ZDHHC14: variants seen among roughly 807,000 people sequenced by gnomAD.
ZDHHC14 encodes palmitoyltransferase ZDHHC14.
Under a neutral mutation model 47.7 loss-of-function variants are expected in ZDHHC14, and 16 were observed. That is an observed-to-expected ratio of 0.34 (90% CI 0.23 to 0.51). The LOEUF is 0.51. Ranked by LOEUF, ZDHHC14 falls within the 20% of genes least tolerant of loss-of-function variation. The pLI, the probability that ZDHHC14 is intolerant of heterozygous loss-of-function variation, is 0.97. For missense variants in ZDHHC14, 515 were observed against 662.5 expected (o/e 0.78, Z 2.44); for synonymous variants, 293 against 278.9 (o/e 1.05, Z -0.50).
intron 2 of ZDHHC14, among the ~76,000 whole-genome samples, chr6:157,564,372 C>T (rs1364469817): frequency 6.6e-6 from 1 of 152,186 alleles, no homozygotes; most frequent in Non-Finnish European, 1.5e-5. Context: ...AGAACATATT[C>T]AGAGGCATCA....
chr6:157,398,262 C>T (rs1316086797), intron 1 of ZDHHC14, among the ~76,000 whole-genome samples: 1 of 152,150 alleles, frequency 6.6e-6, no homozygotes, highest in Non-Finnish European at 1.5e-5. Context: ...GCTGGATGGG[C>T]CCAAAAGTGC....
rs575216136 is a variant in ZDHHC14 at position 157,617,420 on chromosome 6, G to T, written c.566-10929G>T. Among the ~76,000 whole-genome samples, 304 of 152,136 alleles carry T rather than the reference G, an allele frequency of 2.0e-3. 2 individuals carry two copies. Among genetic ancestry groups the T allele is most frequent in the Middle Eastern group, 0.017 (5 of 294 alleles). On this transcript the variant is annotated intron_variant, in intron 3 of 8. Transcript: ENST00000359775. Reference sequence around the variant, plus strand: ...TTTTTTAAAAAATGGGTTCTGCTTGGACTCATCGCAGTTGGCTTCTCAAGG... The same window carrying T: ...TTTTTTAAAAAATGGGTTCTGCTTGTACTCATCGCAGTTGGCTTCTCAAGG...
chr6:157,671,503 C>T (rs1368058237), intron 8 of ZDHHC14, among the ~76,000 whole-genome samples: 3 of 152,222 alleles, frequency 2.0e-5, no homozygotes, highest in Non-Finnish European at 4.4e-5. Flanking sequence ...AGGTACCGCA[C>T]AGGCTCAAGT....
In ZDHHC14 at chr6:157,512,284, G is replaced by A. The variant is rs930824787; in HGVS notation, c.246-30301G>A. Among the ~76,000 whole-genome samples the A allele has an allele frequency of 3.9e-5, 6 of 152,330 alleles. No homozygotes were observed. The South Asian group carries it at 6.2e-4, about 16-fold the overall frequency. ...ATGGCCCTGGCTGGCCCTGGATGCCGCTGGGGGGCCCTCTGTAGGGCTGAC... is the reference window on the plus strand; with the variant it reads ...ATGGCCCTGGCTGGCCCTGGATGCCACTGGGGGGCCCTCTGTAGGGCTGAC... On this transcript the variant is annotated intron_variant, in intron 1 of 8. Coordinates refer to ENST00000359775, the MANE Select transcript of ZDHHC14 (RefSeq NM_024630.3).
At chr6:157,491,179 G>A (rs1405934645) in intron 1 of ZDHHC14, among the ~76,000 whole-genome samples, 1 of 152,220 alleles carries the variant, frequency 6.6e-6, no homozygotes, top group Non-Finnish European at 1.5e-5. Context: ...CGCATTTAGG[G>A]TATGCGGCCG....
chr6:157,513,887 C>T (rs1780586085), intron 1 of ZDHHC14, among the ~76,000 whole-genome samples: 1 of 152,106 alleles, frequency 6.6e-6, no homozygotes, highest in South Asian at 2.1e-4. Flanking sequence ...TCAGCTGTTT[C>T]CAGTCCCTCA....
intron 3 of ZDHHC14, among the ~76,000 whole-genome samples, chr6:157,622,428 T>C (rs889340034): frequency 3.3e-5 from 5 of 152,110 alleles, no homozygotes; most frequent in Non-Finnish European, 5.9e-5. Context: ...TTTTCATCAT[T>C]ATTTAGAGTT....
At chr6:157,578,456 C>T (rs907224885) in intron 2 of ZDHHC14, among the ~76,000 whole-genome samples, 1 of 152,132 alleles carries the variant, frequency 6.6e-6, no homozygotes, top group Non-Finnish European at 1.5e-5. Flanking sequence ...GAATCCTTTC[C>T]CCCATTGTTT....
At chr6:157,565,689 C>A (rs941795753) in intron 2 of ZDHHC14, among the ~76,000 whole-genome samples, 2 of 151,892 alleles carry the variant, frequency 1.3e-5, no homozygotes, top group African/African-American at 4.8e-5. Flanking sequence ...TGTGGTAATC[C>A]CAGCTACTAT....
intron 2 of ZDHHC14, among the ~76,000 whole-genome samples, chr6:157,550,732 T>C (rs1426585615): frequency 6.6e-6 from 1 of 152,232 alleles, no homozygotes; most frequent in East Asian, 1.9e-4. Flanking sequence ...ATCTCCTCTG[T>C]AGAATTGATG....
intron 1 of ZDHHC14, among the ~76,000 whole-genome samples, chr6:157,424,931 A>G (rs1778186879): frequency 6.7e-6 from 1 of 149,188 alleles, no homozygotes; most frequent in Non-Finnish European, 1.5e-5. Context: ...CAGCCCGCCC[A>G]CTCTCACTCT....
intron 1 of ZDHHC14, among the ~76,000 whole-genome samples, chr6:157,453,878 T>C (rs1195600190): frequency 6.6e-6 from 1 of 152,062 alleles, no homozygotes; most frequent in African/African-American, 2.4e-5. Context: ...GCCGATACCT[T>C]CTTTTTTATT....
intron 5 of ZDHHC14, among the ~76,000 whole-genome samples, chr6:157,634,501 G>C (rs1776868529): frequency 6.6e-6 from 1 of 152,190 alleles, no homozygotes; most frequent in African/African-American, 2.4e-5. Flanking sequence ...TGTTTTCAGA[G>C]AACATTGCTT....
intron 1 of ZDHHC14, among the ~76,000 whole-genome samples, chr6:157,508,998 G>A (rs1156294360): frequency 6.6e-6 from 1 of 152,160 alleles, no homozygotes; most frequent in Non-Finnish European, 1.5e-5. Flanking sequence ...ACAAGTTCCC[G>A]TTTCTTCCCG....
At chr6:157,496,501 G>A (rs1445940128) in intron 1 of ZDHHC14, among the ~76,000 whole-genome samples, 2 of 152,182 alleles carry the variant, frequency 1.3e-5, no homozygotes. Flanking sequence ...AAATTAAAAT[G>A]TATTCATATG....
rs554277986 is a variant in ZDHHC14, at chr6:157,579,260, C to T, written c.407-13728C>T. Among the ~76,000 whole-genome samples, 32 of 131,738 alleles carry T rather than the reference C, an allele frequency of 2.4e-4. No homozygotes were observed. In the South Asian group the frequency reaches 2.7e-3, roughly 11 times the overall value. The allele number at this position is 131,738 out of a possible 152,430, so 86.4% of individuals were successfully genotyped here. ...TCGCCCAGGCTGGAGTGCAGTGGCG[C>T]GATCTCGGCTCACTGCAAGCTCTGC... is the stretch of plus-strand genomic sequence containing the variant. On this transcript the variant is annotated intron_variant, in intron 2 of 8. Coordinates refer to ENST00000359775, the MANE Select transcript of ZDHHC14 (RefSeq NM_024630.3).
rs1778934780 is a variant in ZDHHC14, at chr6:157,674,431, T to C, written c.*1309T>C. 1 of 152,256 alleles carries C rather than the reference T, an allele frequency of 6.6e-6. No individual in the cohort carries two copies. Among genetic ancestry groups the C allele is most frequent in the South Asian group, 2.1e-4 (1 of 4,834 alleles). 9.4% of individuals were successfully genotyped at this position (152,256 alleles called of 1,614,324 possible). A position where few individuals can be genotyped will look rare whatever the true frequency, so the allele number is the denominator to read the frequency against. ...TGAAATTAAGAAAATGACCACTTTGTTCACTTTCATTGGTCACCTAGAAGG... is the reference window on the plus strand; with the variant it reads ...TGAAATTAAGAAAATGACCACTTTGCTCACTTTCATTGGTCACCTAGAAGG... On this transcript the variant is annotated 3_prime_UTR_variant, in exon 9 of 9. Coordinates refer to ENST00000359775, the MANE Select transcript of ZDHHC14 (RefSeq NM_024630.3).
intron 1 of ZDHHC14, among the ~76,000 whole-genome samples, chr6:157,422,316 T>A (rs1256674477): frequency 6.6e-6 from 1 of 151,958 alleles, no homozygotes. Context: ...CAATGCAAAT[T>A]GTATTTTTTT....
At chr6:157,484,260 T>C (rs1779702466) in intron 1 of ZDHHC14, among the ~76,000 whole-genome samples, 1 of 142,266 alleles carries the variant, frequency 7.0e-6, no homozygotes, top group Non-Finnish European at 1.5e-5. Context: ...AGGTTATTTA[T>C]ATATATATGT....
Sources: gnomAD v4.1 joint callset for allele counts (sites outside exome capture counted in the v4.1 genomes callset) on GRCh38, gnomAD v4.1.1 for gene constraint, MANE v1.5 for transcripts, NCBI Gene and HGNC (gene_info 2026-07-23, HGNC 2026-07-21) for gene names.